Variants in SMG7 observed in about 807,000 individuals in gnomAD.
SMG7 encodes nonsense-mediated mRNA decay factor SMG7.
In SMG7, 34 loss-of-function variants were observed where a neutral mutation model predicts 148.2. The ratio of observed to expected loss-of-function variants is 0.23; its 90% CI spans 0.17 to 0.31. SMG7 has a LOEUF of 0.31. Among genes scored for constraint, SMG7 ranks in the 10% least tolerant of loss-of-function variants. The pLI, the probability that SMG7 is intolerant of heterozygous loss-of-function variation, is 1.00. For missense variants in SMG7, 1,114 were observed against 1,408.4 expected, an observed-to-expected ratio of 0.79 and a Z score of 3.35; for synonymous variants, 492 against 515.1, an observed-to-expected ratio of 0.96 and a Z score of 0.61.
intron 18 of SMG7, 72 bp downstream of exon 18, chr1:183,547,324 A>C (rs528767063): frequency 2.7e-4 from 363 of 1,327,840 alleles, no homozygotes; most frequent in South Asian, 3.8e-4. Flanking sequence ...TAGTACACAG[A>C]TTAGGTGATT....
intron 1 of SMG7, among the ~76,000 whole-genome samples, chr1:183,503,719 CAATCAGATT>C (rs934068754): frequency 4.6e-5 from 7 of 152,200 alleles, no homozygotes; most frequent in African/African-American, 1.7e-4. Context: ...ATTCATGTCA[CAATCAGATT>C]ACCCCTCCTT....
rs1218628092 is a variant in SMG7 at position 183,529,047 on chromosome 1, G to C, written c.707+5G>C. The C allele has an allele frequency of 6.3e-7, 1 of 1,589,358 alleles. No homozygotes were observed. Among genetic ancestry groups the C allele is most frequent in the Non-Finnish European group, 8.5e-7 (1 of 1,172,714 alleles). On this transcript the variant is annotated splice_donor_5th_base_variant and intron_variant, in intron 7 of 22. Coordinates refer to ENST00000688051, the MANE Select transcript of SMG7 (RefSeq NM_001375584.1). ...ACTTTCTAAAGCACTGGAAAGGTAG[G>C]GTTGTTTGGTTTTTTTTTTCTCTTT...
rs181575610 is a variant in SMG7, at chr1:183,534,043, A to T, written c.1163+211A>T. Among the ~76,000 whole-genome samples the T allele has an allele frequency of 3.5e-4, 54 of 152,144 alleles. 1 individual carries two copies. The East Asian group carries it at 7.3e-3, about 21-fold the overall frequency. ...TGAGGCTTAGTCTTAAGGATTTGTG[A>T]CTCCTTGTACACTCCCTTGTTCCCA... On this transcript the variant is annotated intron_variant, in intron 10 of 22. Coordinates refer to ENST00000688051, the MANE Select transcript of SMG7 (RefSeq NM_001375584.1).
chr1:183,536,617 G>T (rs1173445257), intron 10 of SMG7, among the ~76,000 whole-genome samples: 1 of 152,120 alleles, frequency 6.6e-6, no homozygotes, highest in Admixed American at 6.6e-5. Flanking sequence ...CAAAAATTGT[G>T]TATTAAGAAA....
At chr1:183,473,291 G>C (rs905883094) in intron 1 of SMG7, among the ~76,000 whole-genome samples, 5 of 152,070 alleles carry the variant, frequency 3.3e-5, no homozygotes, top group African/African-American at 1.2e-4. Flanking sequence ...GACAAGGTTG[G>C]GTTTTTCAGA....
intron 4 of SMG7, among the ~76,000 whole-genome samples, chr1:183,520,652 A>G (rs1664560765): frequency 1.3e-5 from 2 of 152,182 alleles, no homozygotes; most frequent in Admixed American, 6.5e-5. Context: ...TTTTTATAAT[A>G]GCCATTATAC....
Position 183,550,764 on chromosome 1 carries a change from A to G in SMG7, c.3147A>G (p.Pro1049=). ...SLPASSDHST[P]ASQSPHSSNP... ...ATTATTTAATAGATCATTCAACACC[A>G]GCCAGCCAGTCTCCTCATTCCTCTA... is the stretch of plus-strand genomic sequence containing the variant. Residue 1049 remains proline (P), a synonymous_variant, in exon 21 of 23, where the codon CCA becomes CCG. Transcript: ENST00000688051. The G allele has an allele frequency of 6.2e-7, 1 of 1,613,982 alleles. No individual in the cohort carries two copies. The highest frequency in any genetic ancestry group is 8.5e-7 in the Non-Finnish European group (1 of 1,179,864).
chr1:183,533,524 A>G (rs1667222386), intron 9 of SMG7, 152 bp from the exon 10 acceptor site: 2 of 881,754 alleles, frequency 2.3e-6, no homozygotes, highest in Non-Finnish European at 3.4e-6. Context: ...TAACTATAAC[A>G]TTTTTAATAT....
chr1:183,527,611 TG>T lies in SMG7; in HGVS notation c.485-344del, dbSNP rs1416229594. The stretch of plus-strand genomic sequence containing the variant: ...TCATATTGTATAGTGTATTTTGTTT[TG>T]TTTTGTTTTTAAGTGCCATATAACT... On this transcript the variant is annotated intron_variant, in intron 5 of 22. Coordinates refer to ENST00000688051, the MANE Select transcript of SMG7 (RefSeq NM_001375584.1). The surrounding 1 kb of genome is among the most constrained non-coding windows in gnomAD (Gnocchi z 4.0). 2 of 477,068 alleles carry T rather than the reference TG, an allele frequency of 4.2e-6. No individual in the cohort carries two copies. Among genetic ancestry groups the T allele is most frequent in the African/African-American group, 4.0e-5 (2 of 50,478 alleles). The allele number at this position is 477,068 out of a possible 1,614,324, so 29.6% of individuals were successfully genotyped here.
At chr1:183,506,249 G>T (rs999188096) in intron 1 of SMG7, among the ~76,000 whole-genome samples, 2 of 152,112 alleles carry the variant, frequency 1.3e-5, no homozygotes, top group African/African-American at 4.8e-5. Context: ...GAATGTTGTG[G>T]TATAGAGTAT....
intron 1 of SMG7, among the ~76,000 whole-genome samples, chr1:183,484,417 G>A (rs537586086): frequency 1.4e-5 from 2 of 146,416 alleles, no homozygotes; most frequent in Admixed American, 6.9e-5. Context: ...GGAACTCACC[G>A]ATAGAGGGCC....
At position 183,492,500 on chromosome 1, in the gene SMG7, A is replaced by AT. The variant is rs1657318511; in HGVS notation, c.29+19857dup. 2.6e-5 allele frequency among the ~76,000 whole-genome samples: 4 copies of AT among 152,160 alleles called. No individual in the cohort carries two copies. The South Asian group carries it at 6.2e-4, about 24-fold the overall frequency. On this transcript the variant is annotated intron_variant, in intron 1 of 22. Transcript: ENST00000688051. ...TGAAATCAGGTAATCTAAGTTCTCTATTTTTTGGGAATTGTTTTAGCTATT... is the reference window on the plus strand; with the variant it reads ...TGAAATCAGGTAATCTAAGTTCTCTATTTTTTTGGGAATTGTTTTAGCTATT...
In SMG7 at chr1:183,527,886, T is replaced by C. The variant is rs182739072; in HGVS notation, c.485-70T>C. 2.0e-6 allele frequency: 2 copies of C among 975,976 alleles called. No individual in the cohort carries two copies. The highest frequency in any genetic ancestry group is 5.0e-5 in the East Asian group (2 of 40,370). 60.5% of individuals were successfully genotyped at this position (975,976 alleles called of 1,614,324 possible). A position where few individuals can be genotyped will look rare whatever the true frequency, so the allele number is the denominator to read the frequency against. On this transcript the variant is annotated intron_variant, in intron 5 of 22. Coordinates refer to ENST00000688051, the MANE Select transcript of SMG7 (RefSeq NM_001375584.1). This position sits in a 1 kb window ranked among gnomAD's most constrained non-coding sequence, Gnocchi z 4.0. ...TTATTATCTTTAGAACTTAAAACTA[T>C]AGCTGTTTTGGAAATACTACCCTAC...
chr1:183,532,128 G>C (rs569332491), intron 8 of SMG7, among the ~76,000 whole-genome samples: 18 of 152,236 alleles, frequency 1.2e-4, no homozygotes, highest in African/African-American at 3.9e-4. Context: ...GGCTATTTCA[G>C]GTTCTTTATG....
chr1:183,538,833 C>T (rs1229315056), intron 12 of SMG7, among the ~76,000 whole-genome samples: 1 of 152,120 alleles, frequency 6.6e-6, no homozygotes, highest in Non-Finnish European at 1.5e-5. Flanking sequence ...AATGAATTTA[C>T]ATCCCTCTAT....
intron 1 of SMG7, among the ~76,000 whole-genome samples, chr1:183,487,208 A>G (rs1225836199): frequency 6.6e-6 from 1 of 152,104 alleles, no homozygotes; most frequent in Non-Finnish European, 1.5e-5. Flanking sequence ...GTCTAGGAGG[A>G]AAATCCTTTT....
At position 183,546,037 on chromosome 1, in the gene SMG7, G is replaced by A. The variant is rs1329384986; in HGVS notation, c.2442G>A (p.Met814Ile). The change falls in exon 17 of 23, where the codon ATG becomes ATA. Residue 814 changes from methionine to isoleucine, a missense_variant. Around this residue, in one of 4 missense-constraint regions of SMG7, gnomAD observed 788 missense variants for 894.5 expected, o/e 0.88. Coordinates refer to ENST00000688051, the MANE Select transcript of SMG7 (RefSeq NM_001375584.1). The part of the protein sequence containing the change: ...PQVQGPLGKI[M>I]PVKQPYYLQT... Reference sequence around the variant, plus strand: ...TTCAAGGCCCATTAGGGAAAATTATGCCTGTGAAACAGCCCTACTACCTTC... The same window carrying A: ...TTCAAGGCCCATTAGGGAAAATTATACCTGTGAAACAGCCCTACTACCTTC... The A allele has an allele frequency of 6.2e-7, 1 of 1,613,918 alleles. No homozygotes were observed. The highest frequency in any genetic ancestry group is 1.3e-5 in the African/African-American group (1 of 74,968).
chr1:183,544,453 C>G lies in SMG7; in HGVS notation c.1943C>G (p.Pro648Arg). Residue 648 changes from proline (P) to arginine (R), a missense_variant, in exon 15 of 23, where the codon CCC (proline) becomes CGC (arginine). Pro to Arg is a moderately radical substitution (Grantham distance 103). This residue lies in a region of SMG7 where 788 missense variants were observed against 894.5 expected (regional missense o/e 0.88). Transcript: ENST00000688051. Reference protein sequence around the residue: ...PTQASNSQFIPIHHPGAFPPL... With the variant: ...PTQASNSQFIRIHHPGAFPPL... ...CAAGCAAGTAACTCCCAGTTCATCCCCATTCATCACCCTGGAGCCTTCCCT... is the reference window on the plus strand; with the variant it reads ...CAAGCAAGTAACTCCCAGTTCATCCGCATTCATCACCCTGGAGCCTTCCCT... The G allele has an allele frequency of 6.2e-7, 1 of 1,613,998 alleles. No homozygotes were observed. The highest frequency in any genetic ancestry group is 8.5e-7 in the Non-Finnish European group (1 of 1,179,904).
At chr1:183,488,062 C>A (rs1412389507) in intron 1 of SMG7, among the ~76,000 whole-genome samples, 21 of 152,186 alleles carry the variant, frequency 1.4e-4, no homozygotes. Context: ...AGTAGCCTAA[C>A]ATAAATCAGT....
Sources: gnomAD v4.1 joint callset for allele counts (sites outside exome capture counted in the v4.1 genomes callset) on GRCh38, gnomAD v4.1.1 for gene constraint, gnomAD v4.1.1 regional missense constraint, Gnocchi (gnomAD v3.1) non-coding constraint, MANE v1.5 for transcripts, NCBI Gene and HGNC (gene_info 2026-07-23, HGNC 2026-07-21) for gene names.